The following CORIN variants were observed in gnomAD, a reference collection of about 807,000 sequenced individuals.
CORIN encodes atrial natriuretic peptide-converting enzyme.
A neutral mutation model predicts 125.3 loss-of-function variants in CORIN; 117 were observed. That is an observed-to-expected ratio of 0.93 (90% CI 0.80 to 1.09). CORIN has a LOEUF of 1.09. CORIN is among the 50% of genes least tolerant of loss of function. The probability of loss-of-function intolerance (pLI) is 0.00; values close to 1 mark genes in which losing one functional copy is unlikely to be tolerated. For synonymous variants in CORIN, 450 were observed against 466.4 expected, an observed-to-expected ratio of 0.96 and a Z score of 0.45; for missense variants, 1,253 against 1,306.7, an observed-to-expected ratio of 0.96 and a Z score of 0.63.
At chr4:47,806,775 G>T (rs963201146) in intron 2 of CORIN, 128 bp downstream of exon 2, 2 of 930,358 alleles carry the variant, frequency 2.1e-6, no homozygotes, top group Non-Finnish European at 1.6e-6. Flanking sequence ...TTTGCATAAC[G>T]TCATCAAAAG....
intron 6 of CORIN, among the ~76,000 whole-genome samples, chr4:47,686,900 T>C: frequency 6.6e-6 from 1 of 152,180 alleles, no homozygotes; most frequent in East Asian, 1.9e-4. Flanking sequence ...CTGATTAACC[T>C]AAGAACACAC....
At chr4:47,796,690 T>A (rs995279509) in intron 2 of CORIN, among the ~76,000 whole-genome samples, 30 of 152,170 alleles carry the variant, frequency 2.0e-4, no homozygotes, top group African/African-American at 7.0e-4. Context: ...TCCAAACTCA[T>A]CAAGTTGTGA....
At chr4:47,665,774 T>C (rs1368084443) in intron 10 of CORIN, among the ~76,000 whole-genome samples, 5 of 152,216 alleles carry the variant, frequency 3.3e-5, no homozygotes, top group Non-Finnish European at 7.3e-5. Flanking sequence ...GGCTCAGATC[T>C]GTTGAATACT....
At chr4:47,637,119 G>C (rs1028121898) in intron 16 of CORIN, among the ~76,000 whole-genome samples, 2 of 152,126 alleles carry the variant, frequency 1.3e-5, no homozygotes, top group Non-Finnish European at 2.9e-5. Context: ...CAAAGAGAGT[G>C]GTGGTATTTT....
intron 12 of CORIN, chr4:47,661,378 G>A (rs1230996518): frequency 1.1e-5 from 2 of 180,968 alleles, no homozygotes; most frequent in Non-Finnish European, 2.3e-5. Context: ...TGGGGTGATG[G>A]ATATCTCATC....
intron 5 of CORIN, among the ~76,000 whole-genome samples, chr4:47,695,814 C>A (rs950093167): frequency 1.3e-5 from 2 of 152,166 alleles, no homozygotes; most frequent in Non-Finnish European, 2.9e-5. Context: ...TAAAGTACTA[C>A]AAACATATTT....
chr4:47,654,942 TAA>T (rs1723904066), intron 12 of CORIN, among the ~76,000 whole-genome samples: 6 of 150,358 alleles, frequency 4.0e-5, no homozygotes, highest in Non-Finnish European at 1.5e-5. Flanking sequence ...GAGGGGAGAG[TAA>T]AGAGGATTTT....
At position 47,764,840 on chromosome 4, in the gene CORIN, C is replaced by G. The variant is rs570014817; in HGVS notation, c.410-1254G>C. 1.9e-3 allele frequency among the ~76,000 whole-genome samples: 290 copies of G among 152,222 alleles called. 2 individuals are homozygous for G. Among genetic ancestry groups the G allele is most frequent in the African/African-American group, 6.5e-3 (271 of 41,536 alleles). ...TATGTAATACACCTGTATATTTTGA[C>G]CACACCTTTTTATCAGTTTTAATTA... On this transcript the variant is annotated intron_variant, in intron 3 of 21. Transcript: ENST00000273857.
At chr4:47,772,082 T>TAGAC (rs1730062465) in intron 3 of CORIN, among the ~76,000 whole-genome samples, 1 of 149,730 alleles carries the variant, frequency 6.7e-6, no homozygotes, top group Non-Finnish European at 1.5e-5. Context: ...ATTACATAGA[T>TAGAC]AGATAGATAG....
intron 19 of CORIN, among the ~76,000 whole-genome samples, chr4:47,619,521 A>G (rs1419859828): frequency 6.6e-6 from 1 of 152,246 alleles, no homozygotes; most frequent in African/African-American, 2.4e-5. Context: ...AAGCTTGTTT[A>G]AAGTGGGGCA....
intron 19 of CORIN, among the ~76,000 whole-genome samples, chr4:47,606,424 T>A (rs983787691): frequency 6.6e-6 from 1 of 151,916 alleles, no homozygotes; most frequent in Non-Finnish European, 1.5e-5. Context: ...TCTGACTAAA[T>A]TTTTTTGGAA....
chr4:47,741,600 C>T (rs1046288623), intron 5 of CORIN, among the ~76,000 whole-genome samples: 14 of 152,072 alleles, frequency 9.2e-5, no homozygotes, highest in Non-Finnish European at 1.2e-4. Flanking sequence ...AAATCTTATA[C>T]GCAAATATTA....
At chr4:47,812,188 GA>G (rs1732093064) in intron 1 of CORIN, among the ~76,000 whole-genome samples, 4 of 151,780 alleles carry the variant, frequency 2.6e-5, no homozygotes, top group Non-Finnish European at 4.4e-5. Context: ...CTTCAAAGTA[GA>G]AAAAAAATTA....
At chr4:47,704,548 A>G (rs1299020127) in intron 5 of CORIN, among the ~76,000 whole-genome samples, 4 of 152,132 alleles carry the variant, frequency 2.6e-5, no homozygotes, top group Non-Finnish European at 4.4e-5. Flanking sequence ...AGAAATGTAC[A>G]GAAAATATCT....
At chr4:47,807,775 A>G (rs1305167768) in intron 1 of CORIN, among the ~76,000 whole-genome samples, 1 of 152,354 alleles carries the variant, frequency 6.6e-6, no homozygotes, top group East Asian at 1.9e-4. Context: ...CTTGCCAGAA[A>G]TGATATCTGG....
At chr4:47,805,330 C>T (rs1348400400) in intron 2 of CORIN, among the ~76,000 whole-genome samples, 1 of 151,706 alleles carries the variant, frequency 6.6e-6, no homozygotes, top group African/African-American at 2.4e-5. Flanking sequence ...ATATATACAC[C>T]CACTATGTAC....
At chr4:47,725,954 T>C (rs779659676) in intron 5 of CORIN, among the ~76,000 whole-genome samples, 1 of 152,002 alleles carries the variant, frequency 6.6e-6, no homozygotes, top group East Asian at 1.9e-4. Flanking sequence ...GAGCAAAAGA[T>C]ACGAACAGAC....
chr4:47,753,108 G>T (rs1274066396), intron 4 of CORIN, among the ~76,000 whole-genome samples: 4 of 152,132 alleles, frequency 2.6e-5, no homozygotes, highest in African/African-American at 4.8e-5. Flanking sequence ...GAATTTTACT[G>T]TTGGGCCTCC....
At chr4:47,642,814 C>T in intron 15 of CORIN, 2 of 1,445,054 alleles carry the variant, frequency 1.4e-6, no homozygotes, top group Non-Finnish European at 1.8e-6. Flanking sequence ...GTAGAGGTGA[C>T]AAAAGAATGG....
Sources: allele counts gnomAD v4.1 joint callset (sites outside exome capture counted in the v4.1 genomes callset), GRCh38; gene constraint gnomAD v4.1.1; transcripts MANE v1.5; gene names NCBI Gene and HGNC (gene_info 2026-07-23, HGNC 2026-07-21).